EPHA7: variants seen among roughly 807,000 people sequenced by gnomAD.
EPHA7 encodes EPH receptor A7.
Under a neutral mutation model 112.6 loss-of-function variants are expected in EPHA7, and 25 were observed. That is an observed-to-expected ratio of 0.22 (90% CI 0.16 to 0.31). The LOEUF (loss-of-function observed/expected upper bound fraction) is 0.31. Ranked by LOEUF, EPHA7 falls within the 10% of genes least tolerant of loss-of-function variation. EPHA7 has a pLI of 1.00. For synonymous variants in EPHA7, 437 were observed against 406.5 expected, an observed-to-expected ratio of 1.07 and a Z score of -0.90; for missense variants, 962 against 1,212.6, an observed-to-expected ratio of 0.79 and a Z score of 3.07.
chr6:93,328,814 G>A (rs1774449470), intron 5 of EPHA7, among the ~76,000 whole-genome samples: 1 of 151,220 alleles, frequency 6.6e-6, no homozygotes, highest in Non-Finnish European at 1.5e-5. Flanking sequence ...AATAGAAAAT[G>A]GCATGGTCTC....
chr6:93,286,935 C>T (rs947126176), intron 5 of EPHA7, among the ~76,000 whole-genome samples: 6 of 152,068 alleles, frequency 3.9e-5, no homozygotes, highest in Admixed American at 1.3e-4. Flanking sequence ...TGTTAACTAG[C>T]ATGAATATAG....
chr6:93,278,542 T>C (rs959097353), intron 5 of EPHA7, among the ~76,000 whole-genome samples: 3 of 152,068 alleles, frequency 2.0e-5, no homozygotes, highest in Non-Finnish European at 4.4e-5. Context: ...AGTAATACTA[T>C]CTTTTTACTG....
At chr6:93,414,902 T>G (rs925131300) in intron 1 of EPHA7, 135 bp from the exon 2 acceptor site, 4 of 659,464 alleles carry the variant, frequency 6.1e-6, no homozygotes, top group African/African-American at 3.6e-5. Context: ...AAATCAATGG[T>G]GAAATGAACA....
At chr6:93,338,845 G>C (rs1775002476) in intron 5 of EPHA7, among the ~76,000 whole-genome samples, 1 of 150,820 alleles carries the variant, frequency 6.6e-6, no homozygotes, top group Admixed American at 6.6e-5. Flanking sequence ...GTCTGATAGA[G>C]AAGAAAATCA....
intron 5 of EPHA7, among the ~76,000 whole-genome samples, chr6:93,301,165 C>G (rs1772957612): frequency 6.6e-6 from 1 of 152,214 alleles, no homozygotes; most frequent in South Asian, 2.1e-4. Context: ...ATTTAAATAT[C>G]TGGCCACAGT....
intron 5 of EPHA7, among the ~76,000 whole-genome samples, chr6:93,336,689 C>T (rs1774895876): frequency 6.6e-6 from 1 of 152,054 alleles, no homozygotes; most frequent in Non-Finnish European, 1.5e-5. Flanking sequence ...TCATGAGCCA[C>T]CCTGCCCAGC....
chr6:93,332,250 C>G (rs1427533973), intron 5 of EPHA7, among the ~76,000 whole-genome samples: 1 of 151,148 alleles, frequency 6.6e-6, no homozygotes, highest in African/African-American at 2.4e-5. Context: ...CTGAATAAAG[C>G]AAGCAAAAAA....
At chr6:93,356,558 C>T (rs1259011276) in intron 5 of EPHA7, among the ~76,000 whole-genome samples, 159 bp downstream of exon 5, 1 of 152,106 alleles carries the variant, frequency 6.6e-6, no homozygotes, top group African/African-American at 2.4e-5. Flanking sequence ...AATGAGTACA[C>T]TAATGGTGTA....
chr6:93,360,817 T>G (rs991967695), intron 3 of EPHA7, among the ~76,000 whole-genome samples: 3 of 152,046 alleles, frequency 2.0e-5, no homozygotes, highest in Non-Finnish European at 4.4e-5. Context: ...ATAATTCTGT[T>G]TGTCTAGGAT....
At chr6:93,380,997 C>T (rs1280666394) in intron 3 of EPHA7, among the ~76,000 whole-genome samples, 3 of 152,120 alleles carry the variant, frequency 2.0e-5, no homozygotes, top group Non-Finnish European at 4.4e-5. Flanking sequence ...TTTCCATTTG[C>T]TTTTCACTTG....
At chr6:93,370,941 C>T (rs1334604069) in intron 3 of EPHA7, among the ~76,000 whole-genome samples, 1 of 148,446 alleles carries the variant, frequency 6.7e-6, no homozygotes, top group Non-Finnish European at 1.5e-5. Flanking sequence ...GTCAGGAGAT[C>T]GAGACCATCC....
intron 9 of EPHA7, among the ~76,000 whole-genome samples, chr6:93,261,503 A>G (rs1317676773): frequency 1.3e-5 from 2 of 151,566 alleles, no homozygotes; most frequent in Admixed American, 1.3e-4. Flanking sequence ...AAGAAAACAT[A>G]TCCTTGGAAA....
chr6:93,307,528 A>T (rs1773316987), intron 5 of EPHA7, among the ~76,000 whole-genome samples: 2 of 152,134 alleles, frequency 1.3e-5, no homozygotes, highest in South Asian at 4.1e-4. Context: ...TAAGGATTGA[A>T]TCTATTCAAT....
At chr6:93,346,936 T>G (rs984125869) in intron 5 of EPHA7, among the ~76,000 whole-genome samples, 1 of 151,850 alleles carries the variant, frequency 6.6e-6, no homozygotes, top group South Asian at 2.1e-4. Flanking sequence ...TTACAATGTC[T>G]ACTACATAAA....
rs71542009 is a variant in EPHA7, at chr6:93,311,114, AT to A, written c.1325-38693del. 9.9e-3 allele frequency among the ~76,000 whole-genome samples: 775 copies of A among 78,440 alleles called. 14 individuals carry two copies. The highest frequency in any genetic ancestry group is 0.039 in the African/African-American group (668 of 16,964). The allele number at this position is 78,440 out of a possible 152,430, so 51.5% of individuals were successfully genotyped here. On this transcript the variant is annotated intron_variant, in intron 5 of 16. Coordinates refer to ENST00000369303, the MANE Select transcript of EPHA7 (RefSeq NM_004440.4). ...ACAGGCATGTGCATCATGCCCAGCT[AT>A]TTTTTTTTTTTTTTTTTTTTTTTTT...
rs990198636 is a variant in EPHA7 at position 93,243,389 on chromosome 6, G to T, written c.*37C>A. The T allele has an allele frequency of 1.0e-5, 15 of 1,485,642 alleles. No homozygotes were observed. In the African/African-American group the frequency reaches 1.9e-4, roughly 19 times the overall value. 92.0% of individuals were successfully genotyped at this position (1,485,642 alleles called of 1,614,324 possible). On this transcript the variant is annotated 3_prime_UTR_variant, in exon 17 of 17. Coordinates refer to ENST00000369303, the MANE Select transcript of EPHA7 (RefSeq NM_004440.4). ...TACTGAAGGCCAGTACTGTTCTCTT[G>T]CAGTCTGTAATCTCCCTTAAAAGGG... is the stretch of plus-strand genomic sequence containing the variant.
At chr6:93,306,966 A>G (rs1582488790) in intron 5 of EPHA7, among the ~76,000 whole-genome samples, 1 of 151,980 alleles carries the variant, frequency 6.6e-6, no homozygotes, top group African/African-American at 2.4e-5. Flanking sequence ...AAAATATCAT[A>G]GGGGATTGAC....
chr6:93,323,144 AAAT>A (rs1342609819), intron 5 of EPHA7, among the ~76,000 whole-genome samples: 2 of 151,634 alleles, frequency 1.3e-5, no homozygotes, highest in African/African-American at 4.8e-5. Flanking sequence ...CATTTTAACA[AAAT>A]AATTTATTTC....
chr6:93,319,499 G>C (rs1773965042), intron 5 of EPHA7, among the ~76,000 whole-genome samples: 1 of 152,152 alleles, frequency 6.6e-6, no homozygotes, highest in South Asian at 2.1e-4. Context: ...CACAGACGCT[G>C]AGGAGGTGGG....
Sources: gnomAD v4.1 joint callset for allele counts (sites outside exome capture counted in the v4.1 genomes callset) on GRCh38, gnomAD v4.1.1 for gene constraint, MANE v1.5 for transcripts, NCBI Gene and HGNC (gene_info 2026-07-23, HGNC 2026-07-21) for gene names.